Variants in FASTKD2 observed in about 807,000 individuals in gnomAD.
FASTKD2 encodes the protein FAST kinase domain-containing protein 2, mitochondrial.
A neutral mutation model predicts 63.6 loss-of-function variants in FASTKD2; 51 were observed. The observed-to-expected ratio is 0.80, with a 90% CI of 0.64 to 1.01. The LOEUF (loss-of-function observed/expected upper bound fraction) is 1.01, where lower values mean the gene tolerates loss of function less well. Among genes scored for constraint, FASTKD2 ranks in the 50% least tolerant of loss-of-function variants. The probability of loss-of-function intolerance (pLI) is 0.00; values close to 1 mark genes in which losing one functional copy is unlikely to be tolerated. For synonymous variants in FASTKD2, 284 were observed against 293.4 expected (o/e 0.97, Z 0.33); for missense variants, 786 against 831.1 (o/e 0.95, Z 0.67).
intron 2 of FASTKD2, 23 bp from the exon 3 acceptor site, chr2:206,770,067 GT>G: frequency 1.4e-6 from 2 of 1,455,394 alleles, no homozygotes; most frequent in Non-Finnish European, 1.9e-6. Flanking sequence ...CACCTGTAGT[GT>G]TTTTGTAATT....
chr2:206,791,871 T>A lies in FASTKD2; in HGVS notation c.*69T>A. On this transcript the variant is annotated 3_prime_UTR_variant, in exon 12 of 12. Transcript: ENST00000402774. ...AAATTAATAAAGATGACAAGTCAGT[T>A]GTCAATGGAATTGAGCTATCTGCTA... 6.9e-7 allele frequency: 1 copy of A among 1,455,756 alleles called. No individual in the cohort carries two copies. Among genetic ancestry groups the A allele is most frequent in the Admixed American group, 1.8e-5 (1 of 57,098 alleles). The allele number at this position is 1,455,756 out of a possible 1,614,324, so 90.2% of individuals were successfully genotyped here. A position where few individuals can be genotyped will look rare whatever the true frequency, so the allele number is the denominator to read the frequency against.
At chr2:206,779,379 T>G (rs889567926) in intron 7 of FASTKD2, among the ~76,000 whole-genome samples, 5 of 152,172 alleles carry the variant, frequency 3.3e-5, no homozygotes, top group Non-Finnish European at 7.3e-5. Flanking sequence ...TAGTCTATTC[T>G]CACGTTGCTA....
rs75955351 is a variant in FASTKD2 at position 206,786,312 on chromosome 2, T to A, written c.1428-421T>A. 4.6e-5 allele frequency among the ~76,000 whole-genome samples: 7 copies of A among 152,336 alleles called. No homozygotes were observed. In the East Asian group the frequency reaches 1.3e-3, roughly 29 times the overall value. ...AGATAATTTTAGTTGGTTATAAAAC[T>A]GTAGTGGTGGTCCAGGCGTTATAGA... On this transcript the variant is annotated intron_variant, in intron 7 of 11. Coordinates refer to ENST00000402774, the MANE Select transcript of FASTKD2 (RefSeq NM_001136193.2).
chr2:206,769,363 T>A (rs1259169776), intron 2 of FASTKD2, among the ~76,000 whole-genome samples: 1 of 152,244 alleles, frequency 6.6e-6, no homozygotes, highest in Non-Finnish European at 1.5e-5. Flanking sequence ...AGCTTCTCTC[T>A]CTTCAGGCTA....
rs1340094529 is a variant in FASTKD2, at chr2:206,795,238, TC to T, written c.*3437del. On this transcript the variant is annotated 3_prime_UTR_variant, in exon 12 of 12. Transcript: ENST00000402774. ...GCCCAGAAGGCAGGAGATGGCTATC[TC>T]TTTTTTTTTCCTGAGACGGAGTCGT... 6.6e-6 allele frequency among the ~76,000 whole-genome samples: 1 copy of T among 152,134 alleles called. No individual in the cohort carries two copies. Among genetic ancestry groups the T allele is most frequent in the Non-Finnish European group, 1.5e-5 (1 of 68,008 alleles).
chr2:206,772,295 C>T lies in FASTKD2; in HGVS notation c.1229C>T (p.Thr410Ile), dbSNP rs747707994. 1.2e-6 allele frequency: 2 copies of T among 1,614,004 alleles called. No individual in the cohort carries two copies. The highest frequency in any genetic ancestry group is 2.2e-5 in the South Asian group (2 of 91,064). ...GGACTTGCAGATTATGTGGCTGCAA[C>T]TTTCGACATCTGGAAGTTCAGAAAA... The part of the protein sequence containing the change: ...FKGLADYVAA[T>I]FDIWKFRKVL... Residue 410 changes from threonine to isoleucine, a missense_variant, in exon 6 of 12, where the codon ACT becomes ATT. Thr to Ile is a moderately conservative substitution (Grantham distance 89, BLOSUM62 -1). Transcript: ENST00000402774.
chr2:206,766,275 A>C (rs1485890736), intron 1 of FASTKD2, among the ~76,000 whole-genome samples: 2 of 151,262 alleles, frequency 1.3e-5, no homozygotes, highest in East Asian at 1.9e-4. Context: ...AAAAAAAAAA[A>C]AAAAAAAAAA....
rs1690368226 is a variant in FASTKD2 at position 206,793,929 on chromosome 2, A to G, written c.*2127A>G. Among the ~76,000 whole-genome samples, 1 of 152,220 alleles carries G rather than the reference A, an allele frequency of 6.6e-6. No individual in the cohort carries two copies. Among genetic ancestry groups the G allele is most frequent in the Non-Finnish European group, 1.5e-5 (1 of 68,036 alleles). On this transcript the variant is annotated 3_prime_UTR_variant, in exon 12 of 12. Coordinates refer to ENST00000402774, the MANE Select transcript of FASTKD2 (RefSeq NM_001136193.2). Reference sequence around the variant, plus strand: ...AGCAGTTTTTTTTCTTTTAAGAATTACAGTGCTGATGAAGGTATAATGAGG... The same window carrying G: ...AGCAGTTTTTTTTCTTTTAAGAATTGCAGTGCTGATGAAGGTATAATGAGG...
At chr2:206,788,754 A>G (rs937754613) in intron 9 of FASTKD2, 65 bp from the exon 10 acceptor site, 91 of 831,250 alleles carry the variant, frequency 1.1e-4, no homozygotes, top group Admixed American at 1.3e-4. Flanking sequence ...AAAAAGGAAA[A>G]GAAAAGAAAA....
chr2:206,768,649 A>G (rs1689589005), intron 2 of FASTKD2, among the ~76,000 whole-genome samples: 1 of 152,200 alleles, frequency 6.6e-6, no homozygotes, highest in Admixed American at 6.5e-5. Context: ...GCCGTGAGCC[A>G]TGATCGTGCC....
In FASTKD2 at chr2:206,795,479, G is replaced by A. The variant is rs115714249; in HGVS notation, c.*3677G>A. On this transcript the variant is annotated 3_prime_UTR_variant, in exon 12 of 12. Transcript: ENST00000402774. ...GATCTCCTGACCTTGCGATCTGCCC[G>A]CCTTTGGCCTTCCAAAGTGCTGGGA... is the stretch of plus-strand genomic sequence containing the variant. Among the ~76,000 whole-genome samples the A allele has an allele frequency of 5.9e-5, 9 of 152,258 alleles. No individual in the cohort carries two copies. The highest frequency in any genetic ancestry group is 1.4e-4 in the African/African-American group (6 of 41,544).
chr2:206,795,623 A>G lies in FASTKD2; in HGVS notation c.*3821A>G, dbSNP rs911791890. ...GTGGATCCAAAAAAAGCTGAAGCCT[A>G]CATTTCCCAGAGCCCCTTTCAGCTT... On this transcript the variant is annotated 3_prime_UTR_variant, in exon 12 of 12. Transcript: ENST00000402774. 5.9e-5 allele frequency among the ~76,000 whole-genome samples: 9 copies of G among 152,180 alleles called. No homozygotes were observed. The South Asian group carries it at 1.2e-3, about 21-fold the overall frequency.
chr2:206,771,046 C>T lies in FASTKD2; in HGVS notation c.882-136C>T, dbSNP rs75607323. The T allele has an allele frequency of 0.05, 32,264 of 644,442 alleles. 982 individuals carry two copies. The highest frequency in any genetic ancestry group is 0.063 in the Non-Finnish European group (22,711 of 359,520). 39.9% of individuals were successfully genotyped at this position (644,442 alleles called of 1,614,324 possible). A position where few individuals can be genotyped will look rare whatever the true frequency, so the allele number is the denominator to read the frequency against. ...GTCTCGATCTTTAACTACTTACACT[C>T]TCTCAAGCAGGTAGATCATTTCTCT... On this transcript the variant is annotated intron_variant, in intron 3 of 11. Coordinates refer to ENST00000402774, the MANE Select transcript of FASTKD2 (RefSeq NM_001136193.2).
chr2:206,773,575 A>T (rs898100355), intron 6 of FASTKD2, among the ~76,000 whole-genome samples: 1 of 152,160 alleles, frequency 6.6e-6, no homozygotes, highest in African/African-American at 2.4e-5. Context: ...TTCTTTTTGC[A>T]ATGAAATAGG....
In FASTKD2 at chr2:206,792,316, T is replaced by A. The variant is rs371999839; in HGVS notation, c.*514T>A. 1 of 171,374 alleles carries A rather than the reference T, an allele frequency of 5.8e-6. No individual in the cohort carries two copies. The highest frequency in any genetic ancestry group is 5.6e-5 in the Admixed American group (1 of 17,916). The allele number at this position is 171,374 out of a possible 1,614,324, so 10.6% of individuals were successfully genotyped here. On this transcript the variant is annotated 3_prime_UTR_variant, in exon 12 of 12. Coordinates refer to ENST00000402774, the MANE Select transcript of FASTKD2 (RefSeq NM_001136193.2). ...GTTGAAAATGAGTGAGGATGGTATTTGTATTTGTAATAAGCACTGCAGGTA... is the reference window on the plus strand; with the variant it reads ...GTTGAAAATGAGTGAGGATGGTATTAGTATTTGTAATAAGCACTGCAGGTA...
In FASTKD2 at chr2:206,790,937, TAAG is replaced by T. The variant is rs547811655; in HGVS notation, c.2013+260_2013+262del. 32 of 430,080 alleles carry T rather than the reference TAAG, an allele frequency of 7.4e-5. No individual in the cohort carries two copies. In the East Asian group the frequency reaches 1.3e-3, roughly 17 times the overall value. The allele number at this position is 430,080 out of a possible 1,614,324, so 26.6% of individuals were successfully genotyped here. A position where few individuals can be genotyped will look rare whatever the true frequency, so the allele number is the denominator to read the frequency against. On this transcript the variant is annotated intron_variant, in intron 11 of 11. Transcript: ENST00000402774. ...CTGGTCAGCTTTAATCCTTTTTTGC[TAAG>T]AAGAAGAATGCAAATAATATATTTT...
chr2:206,768,808 T>C (rs1226571331), intron 2 of FASTKD2, among the ~76,000 whole-genome samples: 3 of 152,188 alleles, frequency 2.0e-5, no homozygotes, highest in Non-Finnish European at 4.4e-5. Flanking sequence ...TATGGGAAAG[T>C]TTTTAACTTT....
chr2:206,779,772 CT>C (rs1689919967), intron 7 of FASTKD2, among the ~76,000 whole-genome samples: 1 of 152,158 alleles, frequency 6.6e-6, no homozygotes, highest in Non-Finnish European at 1.5e-5. Context: ...TAGAGAAGGA[CT>C]TACTATTGCC....
chr2:206,766,547 T>C, intron 1 of FASTKD2, 97 bp from the exon 2 acceptor site: 2 of 737,672 alleles, frequency 2.7e-6, no homozygotes, highest in Non-Finnish European at 4.6e-6. Flanking sequence ...AATGGCTCCA[T>C]AGGTTCCCCA....
Sources: allele counts gnomAD v4.1 joint callset (sites outside exome capture counted in the v4.1 genomes callset), GRCh38; gene constraint gnomAD v4.1.1; transcripts MANE v1.5; gene names NCBI Gene and HGNC (gene_info 2026-07-23, HGNC 2026-07-21).